TMEM164: variants seen among roughly 807,000 people sequenced by gnomAD.
The protein encoded by TMEM164 is transmembrane protein 164.
Under a neutral mutation model 18.8 loss-of-function variants are expected in TMEM164, and 4 were observed. The ratio of observed to expected loss-of-function variants is 0.21; its 90% CI spans 0.10 to 0.49. The LOEUF is 0.49. Ranked by LOEUF, TMEM164 falls within the 20% of genes least tolerant of loss-of-function variation. TMEM164 has a pLI of 0.98. For synonymous variants in TMEM164, 86 were observed against 101.7 expected, an observed-to-expected ratio of 0.85 and a Z score of 0.93; for missense variants, 108 against 239.9, an observed-to-expected ratio of 0.45 and a Z score of 3.63.
intron 2 of TMEM164, among the ~76,000 whole-genome samples, chrX:110,061,576 AGTG>A (rs1008097329): frequency 1.8e-5 from 2 of 112,072 alleles, no homozygotes; most frequent in Non-Finnish European, 3.8e-5. Context: ...TTTATACCTC[AGTG>A]GTTGGTCAAC....
intron 4 of TMEM164, among the ~76,000 whole-genome samples, chrX:110,134,752 A>G (rs1380151507): frequency 9.2e-6 from 1 of 109,101 alleles, no homozygotes; most frequent in African/African-American, 3.4e-5. Flanking sequence ...TACAATGAGA[A>G]CAAGGGATTT....
At chrX:110,085,919 G>A (rs1031198493) in intron 3 of TMEM164, among the ~76,000 whole-genome samples, 2 of 112,114 alleles carry the variant, frequency 1.8e-5, no homozygotes, top group Non-Finnish European at 3.8e-5. Flanking sequence ...TCCTCTGCAA[G>A]TAGTAACCAC....
downstream of TMEM164, among the ~76,000 whole-genome samples, chrX:110,178,990 T>C (rs772884405): frequency 1.2e-4 from 13 of 111,385 alleles, no homozygotes; most frequent in African/African-American, 3.9e-4. Context: ...CTGGTCCTTA[T>C]AGAAGTGGAA....
At chrX:110,064,508 G>A (rs2147843931) in intron 2 of TMEM164, among the ~76,000 whole-genome samples, 1 of 111,783 alleles carries the variant, frequency 8.9e-6, no homozygotes, top group East Asian at 2.8e-4. Context: ...AGGGTGAAGA[G>A]GTTCAGTATC....
At chrX:110,037,380 A>T (rs759663551) in intron 2 of TMEM164, among the ~76,000 whole-genome samples, 1 of 112,002 alleles carries the variant, frequency 8.9e-6, no homozygotes, top group East Asian at 2.8e-4. Context: ...CTGGGAAAGG[A>T]TGTGAGTTAT....
chrX:110,109,111 C>G lies in TMEM164; in HGVS notation c.472C>G (p.Leu158Val). 8.3e-7 allele frequency: 1 copy of G among 1,211,622 alleles called. No homozygotes were observed. Among genetic ancestry groups the G allele is most frequent in the Non-Finnish European group, 1.1e-6 (1 of 895,329 alleles). Residue 158 changes from leucine to valine, a missense_variant, in exon 4 of 7, where the codon CTG (leucine) becomes GTG (valine). Transcript: ENST00000372068. ...GATGCACATGTTGAATGGAGCTCTT[C>G]TGGCATTGCTGTTTCCTGTGGTAAA... Reference protein sequence around the residue: ...LQMHMLNGALLALLFPVVNTR... With the variant: ...LQMHMLNGALVALLFPVVNTR...
At chrX:110,058,900 G>A (rs1348043444) in intron 2 of TMEM164, among the ~76,000 whole-genome samples, 2 of 109,356 alleles carry the variant, frequency 1.8e-5, no homozygotes, top group Non-Finnish European at 3.8e-5. Context: ...CAAAGTGCTG[G>A]GATTACAGGT....
At chrX:110,100,682 C>T (rs1259283541) in intron 3 of TMEM164, among the ~76,000 whole-genome samples, 1 of 111,583 alleles carries the variant, frequency 9.0e-6, no homozygotes, top group Non-Finnish European at 1.9e-5. Flanking sequence ...CACCATTCCC[C>T]TGCCTCAGCC....
upstream of TMEM164, chrX:110,002,742 G>C (rs1044900945): frequency 1.1e-4 from 12 of 110,835 alleles, no homozygotes; most frequent in African/African-American, 3.9e-4. Context: ...CGGAGCAGTA[G>C]CCCGATCCGG....
At chrX:110,007,803 A>C (rs1283660352) in intron 2 of TMEM164, among the ~76,000 whole-genome samples, 2 of 112,567 alleles carry the variant, frequency 1.8e-5, no homozygotes, top group Non-Finnish European at 3.8e-5. Context: ...ACTTAAGAAA[A>C]AGATCCCATT....
intron 2 of TMEM164, among the ~76,000 whole-genome samples, chrX:110,015,768 T>C (rs187549794): frequency 0.033 from 3,742 of 111,824 alleles, 168 homozygotes; most frequent in African/African-American, 0.12. Flanking sequence ...GTTGGCACCC[T>C]GAGGAAAGGG....
chrX:110,164,673 G>A (rs1416913567), intron 5 of TMEM164, among the ~76,000 whole-genome samples: 3 of 111,251 alleles, frequency 2.7e-5, no homozygotes, highest in African/African-American at 9.8e-5. Flanking sequence ...AGTGAGCCAG[G>A]TACTAAAGGA....
chrX:110,154,716 G>A (rs2066992553), intron 5 of TMEM164, among the ~76,000 whole-genome samples: 1 of 112,171 alleles, frequency 8.9e-6, no homozygotes, highest in African/African-American at 3.2e-5. Context: ...CACTGTGCCT[G>A]GCCTGCACTA....
At chrX:110,109,040 G>A (rs779004822) in intron 3 of TMEM164, 40 bp from the exon 4 acceptor site, 65 of 1,168,002 alleles carry the variant, frequency 5.6e-5, no homozygotes, top group Non-Finnish European at 7.5e-5. Flanking sequence ...TTGTATCAGG[G>A]TCTGAGTATG....
At chrX:110,126,729 A>G (rs2066534106) in intron 4 of TMEM164, among the ~76,000 whole-genome samples, 1 of 108,810 alleles carries the variant, frequency 9.2e-6, no homozygotes, top group East Asian at 2.9e-4. Flanking sequence ...ATCTCACCTT[A>G]GTGTAGTTGT....
intron 4 of TMEM164, among the ~76,000 whole-genome samples, chrX:110,127,011 A>T (rs772849119): frequency 9.0e-6 from 1 of 111,148 alleles, no homozygotes; most frequent in African/African-American, 3.3e-5. Context: ...TGCACTGTAC[A>T]TAACTGTGTC....
At chrX:110,141,339 G>A (rs905199081) in intron 4 of TMEM164, among the ~76,000 whole-genome samples, 2 of 111,733 alleles carry the variant, frequency 1.8e-5, no homozygotes, top group African/African-American at 3.3e-5. Flanking sequence ...ATAACACTAT[G>A]TGTATTAGTC....
chrX:110,014,564 C>T (rs1602471504), intron 2 of TMEM164, among the ~76,000 whole-genome samples: 1 of 110,001 alleles, frequency 9.1e-6, no homozygotes, highest in African/African-American at 3.3e-5. Flanking sequence ...CTTAGCTTTC[C>T]GGGGACCTAT....
chrX:110,153,782 T>A (rs777181172), intron 5 of TMEM164, among the ~76,000 whole-genome samples: 7 of 111,350 alleles, frequency 6.3e-5, no homozygotes, highest in South Asian at 3.8e-4. Flanking sequence ...TTGAAAAAAA[T>A]TTTTTTTCAG....
Sources: allele counts gnomAD v4.1 joint callset (sites outside exome capture counted in the v4.1 genomes callset), GRCh38; gene constraint gnomAD v4.1.1; transcripts MANE v1.5; gene names NCBI Gene and HGNC (gene_info 2026-07-23, HGNC 2026-07-21).